Variants in FRMPD4 observed in about 807,000 individuals in gnomAD.
FRMPD4 encodes FERM and PDZ domain containing 4.
FRMPD4 carries 22 observed loss-of-function variants against 94.1 expected under a neutral mutation model. The observed-to-expected ratio is 0.23, with a 90% CI of 0.17 to 0.33. The LOEUF is 0.33. FRMPD4 is among the 10% of genes least tolerant of loss of function. FRMPD4 has a pLI of 1.00. For missense variants in FRMPD4, 1,111 were observed against 1,339.9 expected (o/e 0.83, Z 2.67); for synonymous variants, 631 against 548.6 (o/e 1.15, Z -2.10).
intron 1 of FRMPD4, chrX:12,149,319 C>T (rs1437239932): frequency 8.9e-6 from 1 of 112,002 alleles, no homozygotes; most frequent in African/African-American, 3.2e-5. Context: ...AAATGGCAAA[C>T]CTTCTGGAAA....
At chrX:11,968,640 T>C (rs1430216489) in intron 3 of FRMPD4, among the ~76,000 whole-genome samples, 3 of 111,196 alleles carry the variant, frequency 2.7e-5, no homozygotes, top group African/African-American at 9.8e-5. Flanking sequence ...CTTCAGATGT[T>C]CCTCATAGGT....
chrX:12,647,163 A>G (rs901393956), intron 4 of FRMPD4, among the ~76,000 whole-genome samples: 5 of 111,953 alleles, frequency 4.5e-5, no homozygotes, highest in Middle Eastern at 4.6e-3. Flanking sequence ...CACGTTCCCT[A>G]TGACTAATTG....
chrX:12,278,072 T>C (rs1243881861), intron 1 of FRMPD4, among the ~76,000 whole-genome samples: 1 of 112,830 alleles, frequency 8.9e-6, no homozygotes, highest in Non-Finnish European at 1.9e-5. Flanking sequence ...TTTTTTATTC[T>C]CTAGTTAGAT....
At chrX:12,184,986 A>G (rs1376531363) in intron 1 of FRMPD4, among the ~76,000 whole-genome samples, 1 of 111,443 alleles carries the variant, frequency 9.0e-6, no homozygotes, top group Non-Finnish European at 1.9e-5. Context: ...AAAAATAACT[A>G]AAAGAGTAAA....
At chrX:12,719,597 T>C (rs900778119) in intron 16 of FRMPD4, among the ~76,000 whole-genome samples, 3 of 112,099 alleles carry the variant, frequency 2.7e-5, no homozygotes, top group Non-Finnish European at 5.6e-5. Flanking sequence ...ACATCTTATA[T>C]TGGTCATTTT....
At chrX:12,053,849 A>G (rs1426089697) in intron 3 of FRMPD4, among the ~76,000 whole-genome samples, 2 of 112,299 alleles carry the variant, frequency 1.8e-5, no homozygotes, top group African/African-American at 6.5e-5. Context: ...GAAAACAAAG[A>G]CCTAAAGAAA....
intron 1 of FRMPD4, among the ~76,000 whole-genome samples, chrX:12,400,099 C>T (rs755507804): frequency 2.3e-4 from 26 of 111,808 alleles, no homozygotes; most frequent in African/African-American, 3.9e-4. Flanking sequence ...GGGAAAGTGA[C>T]GCAGGCATAC....
chrX:12,694,298 A>G (rs1236523871), intron 8 of FRMPD4, 37 bp from the exon 9 acceptor site: 1 of 1,170,769 alleles, frequency 8.5e-7, no homozygotes, highest in Non-Finnish European at 1.2e-6. Context: ...CTCAGTCAGC[A>G]CTGAAGGGTT....
rs1279872026 is a variant in FRMPD4 at position 12,716,368 on chromosome X, G to C, written c.1909G>C (p.Glu637Gln). ...QRSLLTLSGP[E>Q]TLKKAQESPR... The stretch of plus-strand genomic sequence containing the variant: ...GTCCCTATTGACCCTCTCAGGACCA[G>C]AAACTCTGAAGAAAGCACAGGAATC... Residue 637 changes from glutamate (E) to glutamine (Q), a missense_variant, in exon 15 of 17, where the codon GAA becomes CAA. Physicochemically the swap from Glu to Gln is conservative, Grantham distance 29. Coordinates refer to ENST00000675598, the MANE Select transcript of FRMPD4 (RefSeq NM_001368397.1). 1 of 1,210,122 alleles carries C rather than the reference G, an allele frequency of 8.3e-7. No homozygotes were observed. Among genetic ancestry groups the C allele is most frequent in the Admixed American group, 2.2e-5 (1 of 45,808 alleles).
intron 1 of FRMPD4, among the ~76,000 whole-genome samples, chrX:12,197,345 G>C (rs886334847): frequency 9.0e-6 from 1 of 111,475 alleles, no homozygotes; most frequent in African/African-American, 3.3e-5. Context: ...ATGAAATATT[G>C]ATACAGTGTA....
chrX:12,058,081 GA>G (rs2054864645), intron 3 of FRMPD4, among the ~76,000 whole-genome samples: 1 of 111,445 alleles, frequency 9.0e-6, no homozygotes, highest in African/African-American at 3.3e-5. Flanking sequence ...ATTTTTAGGG[GA>G]AAATTAATGG....
intron 1 of FRMPD4, among the ~76,000 whole-genome samples, chrX:12,326,837 C>T (rs1017968211): frequency 1.8e-5 from 2 of 110,693 alleles, no homozygotes; most frequent in African/African-American, 3.3e-5. Context: ...TGGTGGTGTG[C>T]GCCTGTAGTA....
At chrX:12,684,050 G>T (rs1350062634) in intron 6 of FRMPD4, among the ~76,000 whole-genome samples, 1 of 111,781 alleles carries the variant, frequency 8.9e-6, no homozygotes, top group Non-Finnish European at 1.9e-5. Flanking sequence ...AACTAATCAG[G>T]CAAAGAACTT....
intron 4 of FRMPD4, among the ~76,000 whole-genome samples, chrX:12,667,021 A>C (rs189608004): frequency 2.8e-3 from 313 of 112,683 alleles, no homozygotes; most frequent in African/African-American, 9.5e-3. Flanking sequence ...GTGAGAGTTC[A>C]ACACTATGAA....
chrX:12,163,742 A>T (rs191127335), intron 1 of FRMPD4, among the ~76,000 whole-genome samples: 63 of 112,632 alleles, frequency 5.6e-4, no homozygotes, highest in Admixed American at 4.6e-3. Flanking sequence ...TTCCTAAGCA[A>T]CCACTAAATG....
intron 1 of FRMPD4, among the ~76,000 whole-genome samples, chrX:12,277,744 C>A (rs1364283315): frequency 8.9e-6 from 1 of 112,005 alleles, no homozygotes; most frequent in Non-Finnish European, 1.9e-5. Flanking sequence ...TGTCACCTTG[C>A]ACAATATCAA....
chrX:12,488,181 C>T (rs1433601129), intron 1 of FRMPD4, among the ~76,000 whole-genome samples: 1 of 111,422 alleles, frequency 9.0e-6, no homozygotes, highest in Non-Finnish European at 1.9e-5. Flanking sequence ...CTCCAGCAGA[C>T]ACTGAGATAG....
intron 1 of FRMPD4, among the ~76,000 whole-genome samples, chrX:12,419,661 C>G (rs1221463640): frequency 1.8e-5 from 2 of 111,218 alleles, no homozygotes; most frequent in African/African-American, 6.5e-5. Context: ...AATCTGGCTT[C>G]TGCCCATATC....
chrX:12,139,833 A>T (rs1489840367), intron 1 of FRMPD4, among the ~76,000 whole-genome samples: 5 of 111,775 alleles, frequency 4.5e-5, no homozygotes, highest in Non-Finnish European at 7.5e-5. Context: ...AGAGCCCAAT[A>T]GGAGTGGTCT....
Sources: gnomAD v4.1 joint callset for allele counts (sites outside exome capture counted in the v4.1 genomes callset) on GRCh38, gnomAD v4.1.1 for gene constraint, MANE v1.5 for transcripts, NCBI Gene and HGNC (gene_info 2026-07-23, HGNC 2026-07-21) for gene names.